The following FAR2 variants were observed in gnomAD, a reference collection of about 807,000 sequenced individuals.
The protein encoded by FAR2 is fatty acyl-CoA reductase 2.
In FAR2, 19 loss-of-function variants were observed where a neutral mutation model predicts 56.0. The ratio of observed to expected loss-of-function variants is 0.34; its 90% CI spans 0.24 to 0.50. The LOEUF (loss-of-function observed/expected upper bound fraction) is 0.50, where lower values mean the gene tolerates loss of function less well. Ranked by LOEUF, FAR2 falls within the 20% of genes least tolerant of loss-of-function variation. The pLI is 0.98. For missense variants in FAR2, 508 were observed against 642.2 expected, an observed-to-expected ratio of 0.79 and a Z score of 2.26; for synonymous variants, 219 against 218.8, an observed-to-expected ratio of 1.00 and a Z score of -0.01.
At chr12:29,178,171 C>A (rs1486449687) in intron 1 of FAR2, among the ~76,000 whole-genome samples, 1 of 118,168 alleles carries the variant, frequency 8.5e-6, no homozygotes, top group South Asian at 2.9e-4. Flanking sequence ...TTAGTTGTAA[C>A]CATTATAACA....
intron 1 of FAR2, among the ~76,000 whole-genome samples, chr12:29,163,391 G>A (rs574569636): frequency 9.2e-5 from 14 of 152,296 alleles, no homozygotes; most frequent in South Asian, 2.1e-4. Flanking sequence ...AGTTGGTCCC[G>A]AAGTTCTGGA....
intron 1 of FAR2, among the ~76,000 whole-genome samples, chr12:29,228,154 A>AG (rs1357522097): frequency 6.6e-6 from 1 of 150,794 alleles, no homozygotes; most frequent in Non-Finnish European, 1.5e-5. Context: ...AAAAAAAAAA[A>AG]GAAGTAGGTT....
intron 1 of FAR2, among the ~76,000 whole-genome samples, chr12:29,167,938 A>G (rs893509577): frequency 3.3e-5 from 5 of 152,244 alleles, no homozygotes; most frequent in African/African-American, 9.6e-5. Flanking sequence ...ATTGTGGGAA[A>G]AAAATTCCTC....
chr12:29,311,225 C>A, intron 7 of FAR2, 79 bp downstream of exon 7: 1 of 963,852 alleles, frequency 1.0e-6, no homozygotes, highest in South Asian at 1.3e-5. Flanking sequence ...CAAATATAGG[C>A]ATTTCATTGT....
intron 8 of FAR2, among the ~76,000 whole-genome samples, chr12:29,315,599 G>T (rs903262547): frequency 4.6e-5 from 7 of 152,210 alleles, no homozygotes; most frequent in Non-Finnish European, 7.3e-5. Flanking sequence ...TAGTGGTTTG[G>T]ATCAGAGACA....
intron 1 of FAR2, among the ~76,000 whole-genome samples, chr12:29,263,553 TG>T (rs1311485890): frequency 1.3e-5 from 2 of 151,920 alleles, no homozygotes; most frequent in African/African-American, 4.8e-5. Context: ...GAATGACCAG[TG>T]GGTCAATGAA....
At chr12:29,186,755 A>ATTATTTAT (rs200745083) in intron 1 of FAR2, among the ~76,000 whole-genome samples, 19 of 46,364 alleles carry the variant, frequency 4.1e-4, no homozygotes, top group Non-Finnish European at 9.3e-4. Flanking sequence ...TTCTTTATTT[A>ATTATTTAT]TTATTTATTT....
At chr12:29,164,234 C>A (rs950985413) in intron 1 of FAR2, among the ~76,000 whole-genome samples, 1 of 152,204 alleles carries the variant, frequency 6.6e-6, no homozygotes, top group Admixed American at 6.5e-5. Flanking sequence ...ATTTAGGTCT[C>A]TTTCCCATTC....
At chr12:29,273,964 C>T (rs1169405981) in intron 2 of FAR2, among the ~76,000 whole-genome samples, 1 of 152,180 alleles carries the variant, frequency 6.6e-6, no homozygotes, top group East Asian at 1.9e-4. Context: ...TGGGTCACAC[C>T]AGCCTTCTAG....
intron 2 of FAR2, among the ~76,000 whole-genome samples, chr12:29,282,605 AT>A (rs200834955): frequency 6.6e-6 from 1 of 151,986 alleles, no homozygotes; most frequent in Admixed American, 6.6e-5. Flanking sequence ...AGGCTTGGAA[AT>A]TTTTTTTTAA....
intron 4 of FAR2, 90 bp downstream of exon 4, chr12:29,297,290 A>G (rs1176651285): frequency 1.6e-6 from 2 of 1,284,296 alleles, no homozygotes; most frequent in African/African-American, 3.0e-5. Context: ...GAGATGATGA[A>G]GTCAAACACT....
At chr12:29,267,237 C>T (rs1046316516) in intron 1 of FAR2, among the ~76,000 whole-genome samples, 23 of 152,012 alleles carry the variant, frequency 1.5e-4, no homozygotes, top group Middle Eastern at 6.8e-3. Flanking sequence ...AAAATAAATG[C>T]CAAAAAGAAA....
At chr12:29,297,598 G>A (rs1288094446) in intron 4 of FAR2, among the ~76,000 whole-genome samples, 1 of 152,172 alleles carries the variant, frequency 6.6e-6, no homozygotes, top group Non-Finnish European at 1.5e-5. Flanking sequence ...GTAACTACCT[G>A]TGTGACTGAG....
Position 29,183,191 on chromosome 12 carries a change from C to T in FAR2, c.-39+33784C>T, listed in dbSNP as rs79520171. ...TATGACAATACACTCTCCTGGTTTTCCTCCTACCTCTGCAGTTGCTCATTC... is the reference window on the plus strand; with the variant it reads ...TATGACAATACACTCTCCTGGTTTTTCTCCTACCTCTGCAGTTGCTCATTC... On this transcript the variant is annotated intron_variant, in intron 1 of 11. Coordinates refer to ENST00000536681, the MANE Select transcript of FAR2 (RefSeq NM_001271783.2). Among the ~76,000 whole-genome samples the T allele has an allele frequency of 3.1e-3, 478 of 152,210 alleles. 1 individual carries two copies. Among genetic ancestry groups the T allele is most frequent in the African/African-American group, 0.011 (454 of 41,512 alleles).
intron 1 of FAR2, among the ~76,000 whole-genome samples, chr12:29,231,677 A>G (rs1947859987): frequency 6.6e-6 from 1 of 152,218 alleles, no homozygotes; most frequent in African/African-American, 2.4e-5. Context: ...ATTCAAATGT[A>G]AGTGGGGGCA....
intron 1 of FAR2, among the ~76,000 whole-genome samples, chr12:29,206,763 A>T (rs570705242): frequency 6.6e-6 from 1 of 152,300 alleles, no homozygotes; most frequent in African/African-American, 2.4e-5. Context: ...GGACTGATGT[A>T]ACTACAGTGG....
rs1265858089 is a variant in FAR2, at chr12:29,323,130, C to T, written c.1257+1206C>T. 3.9e-5 allele frequency among the ~76,000 whole-genome samples: 6 copies of T among 152,332 alleles called. No homozygotes were observed. In the South Asian group the frequency reaches 1.2e-3, roughly 32 times the overall value. On this transcript the variant is annotated intron_variant, in intron 10 of 11. Transcript: ENST00000536681. ...GCACATGGCTTGGAGGGTCCTATGC[C>T]CATGGAGCCTCACTCATTGCTAGCA...
chr12:29,234,344 G>A (rs1461342346), intron 1 of FAR2, among the ~76,000 whole-genome samples: 2 of 152,102 alleles, frequency 1.3e-5, no homozygotes, highest in Non-Finnish European at 2.9e-5. Context: ...ATCAGCACCT[G>A]TGTACTTATC....
At chr12:29,245,047 C>G (rs1209838873) in intron 1 of FAR2, among the ~76,000 whole-genome samples, 2 of 151,238 alleles carry the variant, frequency 1.3e-5, no homozygotes, top group African/African-American at 2.4e-5. Flanking sequence ...GTGGCATGAT[C>G]TTGGCTCACT....
Sources: gnomAD v4.1 joint callset for allele counts (sites outside exome capture counted in the v4.1 genomes callset) on GRCh38, gnomAD v4.1.1 for gene constraint, MANE v1.5 for transcripts, NCBI Gene and HGNC (gene_info 2026-07-23, HGNC 2026-07-21) for gene names.